TMEM135: variants seen among roughly 807,000 people sequenced by gnomAD.
TMEM135 encodes the protein peroxisomal membrane protein 52.
Under a neutral mutation model 60.3 loss-of-function variants are expected in TMEM135, and 30 were observed. That is an observed-to-expected ratio of 0.50 (90% CI 0.37 to 0.68). The LOEUF is 0.68. Ranked by LOEUF, TMEM135 falls within the 30% of genes least tolerant of loss-of-function variation. The pLI is 0.00. For missense variants in TMEM135, 468 were observed against 548.8 expected (o/e 0.85, Z 1.47); for synonymous variants, 190 against 186.7 (o/e 1.02, Z -0.14).
chr11:87,155,136 G>A (rs1283130211), intron 4 of TMEM135, among the ~76,000 whole-genome samples: 1 of 152,052 alleles, frequency 6.6e-6, no homozygotes, highest in African/African-American at 2.4e-5. Flanking sequence ...GTAGCTGGGA[G>A]TACAGGCATG....
At chr11:87,102,716 A>G (rs111274501) in intron 4 of TMEM135, among the ~76,000 whole-genome samples, 886 of 78,694 alleles carry the variant, frequency 0.011, 11 homozygotes, top group African/African-American at 0.049. Context: ...ATATATATGT[A>G]TATATATATA....
At chr11:87,240,015 A>C (rs1941095122) in intron 6 of TMEM135, among the ~76,000 whole-genome samples, 2 of 152,116 alleles carry the variant, frequency 1.3e-5, no homozygotes, top group Non-Finnish European at 2.9e-5. Flanking sequence ...GCTTACGTTC[A>C]AATGGAATCA....
chr11:87,322,720 C>G lies in TMEM135; in HGVS notation c.*1387C>G, dbSNP rs952029036. 2.2e-6 allele frequency: 1 copy of G among 453,994 alleles called. No homozygotes were observed. The highest frequency in any genetic ancestry group is 1.6e-5 in the South Asian group (1 of 64,466). The allele number at this position is 453,994 out of a possible 1,614,324, so 28.1% of individuals were successfully genotyped here. A position where few individuals can be genotyped will look rare whatever the true frequency, so the allele number is the denominator to read the frequency against. Reference sequence around the variant, plus strand: ...CTTAATCCCTCATATTCAATTTCATCAAGCCTTGTATACTTCTGCTTAAAT... The same window carrying G: ...CTTAATCCCTCATATTCAATTTCATGAAGCCTTGTATACTTCTGCTTAAAT... On this transcript the variant is annotated 3_prime_UTR_variant, in exon 15 of 15. Transcript: ENST00000305494.
chr11:87,187,258 T>G (rs1939675982), intron 5 of TMEM135, among the ~76,000 whole-genome samples: 1 of 152,110 alleles, frequency 6.6e-6, no homozygotes, highest in Admixed American at 6.6e-5. Context: ...TCACAGAAAG[T>G]CTCCAAGGTA....
At chr11:87,248,018 TTTAAA>T (rs142654775) in intron 6 of TMEM135, among the ~76,000 whole-genome samples, 2 of 39,488 alleles carry the variant, frequency 5.1e-5, no homozygotes, top group African/African-American at 2.0e-4. Flanking sequence ...TGATAGCCTT[TTTAAA>T]AAAAAAAAAA....
At chr11:87,054,813 G>A (rs1329998130) in intron 1 of TMEM135, among the ~76,000 whole-genome samples, 6 of 151,594 alleles carry the variant, frequency 4.0e-5, no homozygotes, top group Non-Finnish European at 7.4e-5. Flanking sequence ...TTTCAGACCC[G>A]TATGTCAGAA....
chr11:87,234,040 T>C (rs1940942696), intron 5 of TMEM135, among the ~76,000 whole-genome samples: 1 of 152,136 alleles, frequency 6.6e-6, no homozygotes, highest in Admixed American at 6.6e-5. Flanking sequence ...TTTTAGCATC[T>C]TTAACTAAAA....
At chr11:87,279,776 C>T (rs1453279966) in intron 6 of TMEM135, among the ~76,000 whole-genome samples, 5 of 152,182 alleles carry the variant, frequency 3.3e-5, no homozygotes, top group African/African-American at 4.8e-5. Context: ...CCTGTCCCCA[C>T]AATACATTAA....
chr11:87,078,977 C>G (rs1856929218), intron 3 of TMEM135, among the ~76,000 whole-genome samples: 1 of 151,828 alleles, frequency 6.6e-6, no homozygotes. Flanking sequence ...ATATTTAGCT[C>G]CAAGTTTTAT....
chr11:87,093,704 CT>C (rs1294525297), intron 4 of TMEM135, among the ~76,000 whole-genome samples: 1 of 151,418 alleles, frequency 6.6e-6, no homozygotes, highest in Non-Finnish European at 1.5e-5. Flanking sequence ...CTAATTTTTT[CT>C]GTATTTTTAG....
intron 1 of TMEM135, among the ~76,000 whole-genome samples, chr11:87,038,482 A>G (rs1192082306): frequency 6.6e-6 from 1 of 151,984 alleles, no homozygotes; most frequent in Non-Finnish European, 1.5e-5. Flanking sequence ...ACACTTAAAA[A>G]CGTTAATTCA....
chr11:87,281,123 C>G (rs1303132802), intron 6 of TMEM135, among the ~76,000 whole-genome samples: 1 of 152,098 alleles, frequency 6.6e-6, no homozygotes, highest in Admixed American at 6.6e-5. Flanking sequence ...TAAGGATGAT[C>G]TCTGGGAGTT....
At chr11:87,259,097 C>G in intron 6 of TMEM135, 2 of 993,066 alleles carry the variant, frequency 2.0e-6, no homozygotes, top group East Asian at 2.6e-5. Context: ...TGGCCGCAGA[C>G]CGGACCCTCT....
At chr11:87,187,357 G>A (rs1651810742) in intron 5 of TMEM135, among the ~76,000 whole-genome samples, 1 of 152,166 alleles carries the variant, frequency 6.6e-6, no homozygotes, top group African/African-American at 2.4e-5. Context: ...TGATTAATGT[G>A]TTCATGTGAG....
At chr11:87,101,712 C>T (rs1857460186) in intron 4 of TMEM135, among the ~76,000 whole-genome samples, 2 of 152,282 alleles carry the variant, frequency 1.3e-5, no homozygotes, top group African/African-American at 4.8e-5. Flanking sequence ...CAGTGGCTCA[C>T]GCCTATAATC....
chr11:87,064,998 A>T (rs547184953), intron 1 of TMEM135, among the ~76,000 whole-genome samples: 1 of 152,170 alleles, frequency 6.6e-6, no homozygotes, highest in South Asian at 2.1e-4. Flanking sequence ...AAATTCATCA[A>T]GGTTGTTTCA....
At chr11:87,167,694 G>T (rs1939096745) in intron 5 of TMEM135, among the ~76,000 whole-genome samples, 1 of 152,136 alleles carries the variant, frequency 6.6e-6, no homozygotes, top group African/African-American at 2.4e-5. Flanking sequence ...TTGATGTGGT[G>T]CTGGATTTGG....
At chr11:87,179,344 T>C (rs1939459180) in intron 5 of TMEM135, among the ~76,000 whole-genome samples, 1 of 152,168 alleles carries the variant, frequency 6.6e-6, no homozygotes, top group Non-Finnish European at 1.5e-5. Flanking sequence ...ACTTTCTAAA[T>C]AGTGCTTTTT....
chr11:87,173,710 G>A (rs1245465764), intron 5 of TMEM135, among the ~76,000 whole-genome samples: 1 of 152,066 alleles, frequency 6.6e-6, no homozygotes, highest in Non-Finnish European at 1.5e-5. Flanking sequence ...AGTAAATGGA[G>A]ATCTTATGTT....
Sources: gnomAD v4.1 joint callset for allele counts (sites outside exome capture counted in the v4.1 genomes callset) on GRCh38, gnomAD v4.1.1 for gene constraint, MANE v1.5 for transcripts, NCBI Gene and HGNC (gene_info 2026-07-23, HGNC 2026-07-21) for gene names.